The following FRAS1 variants were observed in gnomAD, a reference collection of about 807,000 sequenced individuals.
FRAS1 encodes the protein Fraser extracellular matrix complex subunit 1.
A neutral mutation model predicts 435.2 loss-of-function variants in FRAS1; 290 were observed. The ratio of observed to expected loss-of-function variants is 0.67; its 90% CI spans 0.61 to 0.73. The LOEUF (loss-of-function observed/expected upper bound fraction) is 0.73. Among genes scored for constraint, FRAS1 ranks in the 30% least tolerant of loss-of-function variants. The probability of loss-of-function intolerance (pLI) is 0.00; values close to 1 mark genes in which losing one functional copy is unlikely to be tolerated. For synonymous variants in FRAS1, 1,800 were observed against 1,851.0 expected, an observed-to-expected ratio of 0.97 and a Z score of 0.71; for missense variants, 4,860 against 5,001.5, an observed-to-expected ratio of 0.97 and a Z score of 0.85.
intron 2 of FRAS1, among the ~76,000 whole-genome samples, chr4:78,172,162 C>T (rs1385294607): frequency 1.3e-5 from 2 of 152,074 alleles, no homozygotes; most frequent in East Asian, 1.9e-4. Context: ...TCTGTATCTG[C>T]GTGCTTGTAT....
chr4:78,417,780 C>A (rs898768951), intron 32 of FRAS1, among the ~76,000 whole-genome samples: 2 of 152,186 alleles, frequency 1.3e-5, no homozygotes, highest in African/African-American at 4.8e-5. Context: ...CTGAGCCCTG[C>A]TTAATCCCTT....
intron 31 of FRAS1, among the ~76,000 whole-genome samples, chr4:78,411,667 C>T (rs4975091): frequency 0.33 from 50,837 of 152,034 alleles, 8,775 homozygotes; most frequent in Non-Finnish European, 0.38. Flanking sequence ...ACCAACACAT[C>T]TCCCATCAGT....
intron 18 of FRAS1, among the ~76,000 whole-genome samples, chr4:78,320,575 A>G (rs1020048791): frequency 2.0e-5 from 3 of 152,046 alleles, no homozygotes; most frequent in Non-Finnish European, 4.4e-5. Context: ...GAAAATTATT[A>G]TAGTGCCTAG....
At position 78,515,923 on chromosome 4, in the gene FRAS1, C is replaced by T. The variant is rs377102088; in HGVS notation, c.10299C>T (p.Asn3433=). 5.1e-5 allele frequency: 82 copies of T among 1,613,874 alleles called. No individual in the cohort carries two copies. The highest frequency in any genetic ancestry group is 6.9e-5 in the Non-Finnish European group (82 of 1,179,880). The change falls in exon 66 of 74, where the codon AAC becomes AAT. Residue 3433 remains asparagine (N), a synonymous_variant. Transcript: ENST00000512123. ...PKTIQLYKHL[N]LKSCVWTFDA... ...CCATCCAGCTCTACAAACACCTGAACCTGAAGAGCTGCGTGTGGACCTTTG... is the reference window on the plus strand; with the variant it reads ...CCATCCAGCTCTACAAACACCTGAATCTGAAGAGCTGCGTGTGGACCTTTG...
intron 67 of FRAS1, among the ~76,000 whole-genome samples, chr4:78,519,851 A>G (rs575433445): frequency 6.6e-6 from 1 of 152,342 alleles, no homozygotes; most frequent in South Asian, 2.1e-4. Flanking sequence ...AAGGATCTTC[A>G]AATCAGATGC....
In FRAS1 at chr4:78,515,917, C is replaced by G. The variant is rs777641115; in HGVS notation, c.10293C>G (p.His3431Gln). The change falls in exon 66 of 74, where the codon CAC (histidine) becomes CAG (glutamine). Residue 3431 changes from histidine (H) to glutamine (Q), a missense_variant. Coordinates refer to ENST00000512123, the MANE Select transcript of FRAS1 (RefSeq NM_025074.7). ...CGAAGACCATCCAGCTCTACAAACA[C>G]CTGAACCTGAAGAGCTGCGTGTGGA... ...REPKTIQLYKHLNLKSCVWTF... is the reference protein window; with the variant it reads ...REPKTIQLYKQLNLKSCVWTF... 4.3e-6 allele frequency: 7 copies of G among 1,614,004 alleles called. No homozygotes were observed. The highest frequency in any genetic ancestry group is 4.5e-5 in the East Asian group (2 of 44,874).
At chr4:78,429,267 G>T (rs1734121075) in intron 36 of FRAS1, 41 bp downstream of exon 36, 1 of 1,576,286 alleles carries the variant, frequency 6.3e-7, no homozygotes, top group Non-Finnish European at 8.6e-7. Flanking sequence ...CTTTGGAAAT[G>T]GGATCATATT....
In FRAS1 at chr4:78,472,236, C is replaced by A. The variant is rs373649387; in HGVS notation, c.7428C>A (p.Asp2476Glu). Residue 2476 changes from aspartate to glutamate, a missense_variant, in exon 52 of 74, where the codon GAC becomes GAA. Asp to Glu is a conservative substitution (Grantham distance 45). Coordinates refer to ENST00000512123, the MANE Select transcript of FRAS1 (RefSeq NM_025074.7). The part of the protein sequence containing the change: ...ELLTMDPDTE[D>E]AQLVYEITTG... Reference sequence around the variant, plus strand: ...TGACCATGGACCCAGACACCGAGGACGCGCAGCTTGTCTATGAGATAACGA... The same window carrying A: ...TGACCATGGACCCAGACACCGAGGAAGCGCAGCTTGTCTATGAGATAACGA... The A allele has an allele frequency of 1.9e-6, 3 of 1,613,902 alleles. No homozygotes were observed. The East Asian group carries it at 6.7e-5, about 36-fold the overall frequency.
rs202057739 is a variant in FRAS1, at chr4:78,433,091, TC to T, written c.5217+490del. Among the ~76,000 whole-genome samples, 15 of 152,300 alleles carry T rather than the reference TC, an allele frequency of 9.8e-5. 1 individual carries two copies. In the East Asian group the frequency reaches 2.9e-3, roughly 29 times the overall value. On this transcript the variant is annotated intron_variant, in intron 38 of 73. Coordinates refer to ENST00000512123, the MANE Select transcript of FRAS1 (RefSeq NM_025074.7). ...TGCAGCAGTGCCTCTCTGTCAGATT[TC>T]CCAGCCAGTTCACTGACTCACCCTC... is the stretch of plus-strand genomic sequence containing the variant.
chr4:78,522,661 T>C lies in FRAS1; in HGVS notation c.10661T>C (p.Met3554Thr), dbSNP rs1335165654. 6.2e-7 allele frequency: 1 copy of C among 1,604,088 alleles called. No individual in the cohort carries two copies. Among genetic ancestry groups the C allele is most frequent in the Non-Finnish European group, 8.5e-7 (1 of 1,174,884 alleles). The stretch of plus-strand genomic sequence containing the variant: ...CCCCTTCAAATAGGACAGTTTGTGA[T>C]GGAGCATCACACTCTCCCAGAAGTG... ...THAKFRGQFV[M>T]EHHTLPEVKS... The change falls in exon 69 of 74, where the codon ATG (methionine) becomes ACG (threonine). Residue 3554 changes from methionine (M) to threonine (T), a missense_variant. Met to Thr is a moderately conservative substitution (Grantham distance 81, BLOSUM62 -1). Coordinates refer to ENST00000512123, the MANE Select transcript of FRAS1 (RefSeq NM_025074.7).
chr4:78,431,532 A>G (rs2110388786), intron 37 of FRAS1, among the ~76,000 whole-genome samples: 1 of 152,346 alleles, frequency 6.6e-6, no homozygotes, highest in Admixed American at 6.5e-5. Context: ...CAATCTCAAT[A>G]CATAGCACTA....
At chr4:78,313,524 T>TA (rs925541259) in intron 15 of FRAS1, among the ~76,000 whole-genome samples, 39 of 152,314 alleles carry the variant, frequency 2.6e-4, no homozygotes, top group African/African-American at 8.9e-4. Flanking sequence ...TTTTTATTTT[T>TA]AAAGACATTA....
At chr4:78,513,247 A>C (rs946530150) in intron 64 of FRAS1, 145 bp from the exon 65 acceptor site, 1 of 709,744 alleles carries the variant, frequency 1.4e-6, no homozygotes, top group Admixed American at 2.6e-5. Context: ...CCCTGTTCAG[A>C]TAGAAATCCT....
chr4:78,220,901 G>GT (rs1217089854), intron 2 of FRAS1, among the ~76,000 whole-genome samples: 62 of 152,084 alleles, frequency 4.1e-4, no homozygotes, highest in African/African-American at 1.4e-3. Flanking sequence ...ATACAGGCTG[G>GT]GCATGGTGGC....
rs560129974 is a variant in FRAS1 at position 78,103,373 on chromosome 4, G to T, written c.108+37357G>T. On this transcript the variant is annotated intron_variant, in intron 2 of 73. Transcript: ENST00000512123. ...CTCTGAGAGGTCACCCTGGACAAGTGTCTTTCTGGATCTTCATGTGTAGCT... is the reference window on the plus strand; with the variant it reads ...CTCTGAGAGGTCACCCTGGACAAGTTTCTTTCTGGATCTTCATGTGTAGCT... 2.0e-5 allele frequency among the ~76,000 whole-genome samples: 3 copies of T among 152,284 alleles called. No homozygotes were observed. The East Asian group carries it at 5.8e-4, about 29-fold the overall frequency.
chr4:78,319,230 C>T (rs1199412527), intron 18 of FRAS1: 9 of 538,074 alleles, frequency 1.7e-5, no homozygotes, highest in Admixed American at 8.1e-5. Context: ...AGGTTCCATT[C>T]GCAGGAGTCC....
chr4:78,231,294 T>TTA lies in FRAS1; in HGVS notation c.109-6203_109-6202dup, dbSNP rs569427721. On this transcript the variant is annotated intron_variant, in intron 2 of 73. Coordinates refer to ENST00000512123, the MANE Select transcript of FRAS1 (RefSeq NM_025074.7). Reference sequence around the variant, plus strand: ...AAGTAACTTCAAAAGATCACATAAATTATATATATATATAAATTATATATC... The same window carrying TTA: ...AAGTAACTTCAAAAGATCACATAAATTATATATATATATATAAATTATATATC... Among the ~76,000 whole-genome samples the TTA allele has an allele frequency of 2.3e-3, 346 of 150,384 alleles. 1 individual carries two copies. The highest frequency in any genetic ancestry group is 6.8e-3 in the African/African-American group (280 of 41,186).
At chr4:78,127,504 G>T (rs773086767) in intron 2 of FRAS1, among the ~76,000 whole-genome samples, 2 of 152,188 alleles carry the variant, frequency 1.3e-5, no homozygotes, top group East Asian at 3.9e-4. Context: ...TAGCACTGGG[G>T]TGGAGAAGAG....
At chr4:78,158,347 A>G (rs929360773) in intron 2 of FRAS1, among the ~76,000 whole-genome samples, 1 of 152,054 alleles carries the variant, frequency 6.6e-6, no homozygotes, top group Non-Finnish European at 1.5e-5. Context: ...GTCATATATG[A>G]TTTCTTTAAG....
Sources: gnomAD v4.1 joint callset for allele counts (sites outside exome capture counted in the v4.1 genomes callset) on GRCh38, gnomAD v4.1.1 for gene constraint, MANE v1.5 for transcripts, NCBI Gene and HGNC (gene_info 2026-07-23, HGNC 2026-07-21) for gene names.